Variants in HOMER1 observed in about 807,000 individuals in gnomAD.
HOMER1 encodes homer scaffold protein 1.
A neutral mutation model predicts 48.9 loss-of-function variants in HOMER1; 3 were observed. That is an observed-to-expected ratio of 0.06 (90% CI 0.03 to 0.16). HOMER1 has a LOEUF of 0.16. HOMER1 is among the 10% of genes least tolerant of loss of function. The pLI, the probability that HOMER1 is intolerant of heterozygous loss-of-function variation, is 1.00. For missense variants in HOMER1, 247 were observed against 411.4 expected, an observed-to-expected ratio of 0.60 and a Z score of 3.46; for synonymous variants, 134 against 146.4, an observed-to-expected ratio of 0.92 and a Z score of 0.61.
At chr5:79,503,608 A>G (rs1179173798) in intron 1 of HOMER1, among the ~76,000 whole-genome samples, 1 of 151,524 alleles carries the variant, frequency 6.6e-6, no homozygotes, top group African/African-American at 2.4e-5. Context: ...TGGGAGGCTG[A>G]GGCAGGTGGT....
At chr5:79,445,420 A>G (rs1750848372) in intron 4 of HOMER1, among the ~76,000 whole-genome samples, 1 of 152,228 alleles carries the variant, frequency 6.6e-6, no homozygotes, top group Admixed American at 6.5e-5. Flanking sequence ...ATCATACAGT[A>G]AAACCACTGT....
Position 79,475,428 on chromosome 5 carries a change from C to CTTT in HOMER1, c.6-18413_6-18411dup, listed in dbSNP as rs370912747. ...ATGCTGAAAAAATTAAATTCTTAGA[C>CTTT]TTTTTTTTTTTTTTTTTTTGCACCT... On this transcript the variant is annotated intron_variant, in intron 1 of 8. Transcript: ENST00000334082. 9.8e-3 allele frequency among the ~76,000 whole-genome samples: 1,251 copies of CTTT among 127,052 alleles called. 8 individuals carry two copies. Among genetic ancestry groups the CTTT allele is most frequent in the Non-Finnish European group, 0.014 (870 of 60,678 alleles). The allele number at this position is 127,052 out of a possible 152,430, so 83.4% of individuals were successfully genotyped here. A position where few individuals can be genotyped will look rare whatever the true frequency, so the allele number is the denominator to read the frequency against.
intron 8 of HOMER1, among the ~76,000 whole-genome samples, chr5:79,387,073 CTA>C (rs200410317): frequency 8.7e-4 from 108 of 123,958 alleles, no homozygotes; most frequent in Middle Eastern, 3.7e-3. Flanking sequence ...CTTTCTTTCT[CTA>C]TCTCTCTCTC....
At chr5:79,401,208 T>C (rs1388513859) in intron 6 of HOMER1, among the ~76,000 whole-genome samples, 1 of 152,148 alleles carries the variant, frequency 6.6e-6, no homozygotes, top group East Asian at 1.9e-4. Flanking sequence ...ATTGAGACAG[T>C]GCAATTACAC....
intron 5 of HOMER1, among the ~76,000 whole-genome samples, chr5:79,426,567 T>C (rs1049591783): frequency 2.0e-5 from 3 of 152,084 alleles, no homozygotes; most frequent in Non-Finnish European, 4.4e-5. Context: ...ATGTTGCATA[T>C]TCTTATTCAT....
chr5:79,506,174 G>C (rs1339643540), intron 1 of HOMER1, among the ~76,000 whole-genome samples: 1 of 151,728 alleles, frequency 6.6e-6, no homozygotes, highest in East Asian at 1.9e-4. Context: ...AAGTGCAATG[G>C]GGCAATCTCG....
intron 6 of HOMER1, among the ~76,000 whole-genome samples, chr5:79,400,289 G>C (rs1749500065): frequency 6.6e-6 from 1 of 151,452 alleles, no homozygotes; most frequent in Non-Finnish European, 1.5e-5. Flanking sequence ...TTACACACAG[G>C]ATAGAATAAC....
intron 2 of HOMER1, among the ~76,000 whole-genome samples, chr5:79,456,641 A>G (rs1751185252): frequency 6.6e-6 from 1 of 152,218 alleles, no homozygotes; most frequent in African/African-American, 2.4e-5. Context: ...ATGACCTCAA[A>G]TTTGTAGAAT....
intron 8 of HOMER1, among the ~76,000 whole-genome samples, chr5:79,382,805 A>G (rs932673818): frequency 1.3e-5 from 2 of 152,232 alleles, no homozygotes; most frequent in Admixed American, 1.3e-4. Flanking sequence ...AATGACGAAC[A>G]ATAGGAGAAA....
chr5:79,458,587 T>C (rs1751235241), intron 1 of HOMER1, among the ~76,000 whole-genome samples: 1 of 151,762 alleles, frequency 6.6e-6, no homozygotes, highest in African/African-American at 2.4e-5. Context: ...CCTTAGAGAG[T>C]TGGTGTGAAA....
chr5:79,445,016 C>T (rs1041506235), intron 4 of HOMER1, among the ~76,000 whole-genome samples: 1 of 152,002 alleles, frequency 6.6e-6, no homozygotes, highest in African/African-American at 2.4e-5. Context: ...GCATATTTAA[C>T]AGAGCTCTCC....
chr5:79,447,257 T>A, intron 3 of HOMER1, 112 bp from the exon 4 acceptor site: 1 of 654,786 alleles, frequency 1.5e-6, no homozygotes, highest in South Asian at 1.8e-5. Context: ...ACAAGCAATA[T>A]AGCCTCCAAA....
chr5:79,445,080 G>C (rs1196094782), intron 4 of HOMER1, among the ~76,000 whole-genome samples: 4 of 152,018 alleles, frequency 2.6e-5, no homozygotes, highest in Non-Finnish European at 5.9e-5. Flanking sequence ...TTTCCAAATA[G>C]AGCTGGGTGA....
chr5:79,453,033 A>C (rs533967897), intron 2 of HOMER1, among the ~76,000 whole-genome samples: 1 of 152,346 alleles, frequency 6.6e-6, no homozygotes, highest in South Asian at 2.1e-4. Context: ...CACAGTTCTA[A>C]AAATTTGAGC....
At position 79,444,902 on chromosome 5, in the gene HOMER1, A is replaced by C. The variant is rs949311137; in HGVS notation, c.387+2151T>G. Among the ~76,000 whole-genome samples the C allele has an allele frequency of 1.3e-4, 20 of 152,314 alleles. No individual in the cohort carries two copies. The East Asian group carries it at 3.9e-3, about 29-fold the overall frequency. ...GAAGACAGATTCAAGAGAAGTTTCA[A>C]ATGATCATCAAAGTTATTCCAGGTC... On this transcript the variant is annotated intron_variant, in intron 4 of 8. Coordinates refer to ENST00000334082, the MANE Select transcript of HOMER1 (RefSeq NM_004272.5).
chr5:79,415,574 AGT>A (rs1352169783), intron 5 of HOMER1, among the ~76,000 whole-genome samples: 6 of 152,198 alleles, frequency 3.9e-5, no homozygotes, highest in African/African-American at 1.4e-4. Context: ...AACCTAAAAG[AGT>A]TGTCATAGTC....
intron 5 of HOMER1, among the ~76,000 whole-genome samples, chr5:79,432,819 A>C (rs1750461057): frequency 6.6e-6 from 1 of 150,578 alleles, no homozygotes; most frequent in Non-Finnish European, 1.5e-5. Context: ...ACTTCTTGTA[A>C]AATACTATTG....
intron 5 of HOMER1, among the ~76,000 whole-genome samples, chr5:79,420,146 A>C (rs953923690): frequency 6.6e-6 from 1 of 152,224 alleles, no homozygotes; most frequent in Non-Finnish European, 1.5e-5. Context: ...ATCAACATCT[A>C]TTGTCTTTTA....
intron 5 of HOMER1, among the ~76,000 whole-genome samples, chr5:79,423,102 C>A (rs190667053): frequency 6.4e-4 from 97 of 152,166 alleles, no homozygotes; most frequent in South Asian, 2.1e-3. Context: ...TACAATATTT[C>A]CAAGTATAGC....
Sources: gnomAD v4.1 joint callset for allele counts (sites outside exome capture counted in the v4.1 genomes callset) on GRCh38, gnomAD v4.1.1 for gene constraint, MANE v1.5 for transcripts, NCBI Gene and HGNC (gene_info 2026-07-23, HGNC 2026-07-21) for gene names.